Variants in TEX9 observed in about 807,000 individuals in gnomAD.
The protein encoded by TEX9 is testis-expressed protein 9.
A neutral mutation model predicts 59.6 loss-of-function variants in TEX9; 74 were observed. The observed-to-expected ratio is 1.24, with a 90% CI of 1.03 to 1.51. The LOEUF is 1.51. Ranked by LOEUF, TEX9 falls within the 40% of genes most tolerant of loss-of-function variation. TEX9 has a pLI of 0.00. For missense variants in TEX9, 522 were observed against 447.8 expected (o/e 1.17, Z -1.49); for synonymous variants, 186 against 152.2 (o/e 1.22, Z -1.64).
downstream of TEX9, among the ~76,000 whole-genome samples, chr15:56,446,476 A>G (rs1567152070): frequency 6.6e-6 from 1 of 152,038 alleles, no homozygotes. Flanking sequence ...TAAAATTATC[A>G]AGTAGTTTAC....
At chr15:56,353,952 C>A (rs2046634209) in intron 1 of TEX9, among the ~76,000 whole-genome samples, 2 of 152,172 alleles carry the variant, frequency 1.3e-5, no homozygotes, top group African/African-American at 2.4e-5. Flanking sequence ...ATTGCTCAAT[C>A]TTTCCATTAT....
At chr15:56,422,169 G>A (rs967378585) in intron 10 of TEX9, among the ~76,000 whole-genome samples, 3 of 150,088 alleles carry the variant, frequency 2.0e-5, no homozygotes, top group African/African-American at 7.4e-5. Context: ...GTTAATGGGT[G>A]CAGCACACCA....
intron 2 of TEX9, among the ~76,000 whole-genome samples, chr15:56,366,774 G>A (rs1277649651): frequency 3.3e-5 from 5 of 152,136 alleles, no homozygotes; most frequent in Non-Finnish European, 7.4e-5. Context: ...GTTATCGTAT[G>A]ATCTACATAT....
At chr15:56,404,847 C>G (rs1205413682) in intron 9 of TEX9, among the ~76,000 whole-genome samples, 1 of 152,072 alleles carries the variant, frequency 6.6e-6, no homozygotes, top group Non-Finnish European at 1.5e-5. Context: ...ATAGATGAAG[C>G]TGGAAACCAT....
chr15:56,412,994 G>C (rs1356004043), intron 10 of TEX9, among the ~76,000 whole-genome samples: 1 of 151,392 alleles, frequency 6.6e-6, no homozygotes, highest in East Asian at 1.9e-4. Context: ...CGTAACTCCA[G>C]TGTCTAGCCA....
chr15:56,361,043 A>C (rs1354625805), upstream of TEX9, among the ~76,000 whole-genome samples: 1 of 152,158 alleles, frequency 6.6e-6, no homozygotes, highest in African/African-American at 2.4e-5. Context: ...TGAGTATAAT[A>C]AATGTTGTTT....
chr15:56,254,558 A>C (rs550654313), intron 1 of TEX9, among the ~76,000 whole-genome samples: 6 of 151,498 alleles, frequency 4.0e-5, no homozygotes, highest in African/African-American at 1.2e-4. Flanking sequence ...CCTTCCCTTC[A>C]CCTATAATCA....
At chr15:56,377,564 C>T (rs2047517731) in intron 3 of TEX9, among the ~76,000 whole-genome samples, 2 of 151,904 alleles carry the variant, frequency 1.3e-5, no homozygotes, top group South Asian at 4.2e-4. Flanking sequence ...CATACAGACA[C>T]ACTACTGATT....
At chr15:56,311,021 A>G (rs2045599198) in intron 1 of TEX9, among the ~76,000 whole-genome samples, 1 of 152,098 alleles carries the variant, frequency 6.6e-6, no homozygotes, top group African/African-American at 2.4e-5. Flanking sequence ...AGAACCCTTC[A>G]GAATTTTCTG....
At chr15:56,244,627 C>G (rs1409848980) in intron 1 of TEX9, among the ~76,000 whole-genome samples, 3 of 142,484 alleles carry the variant, frequency 2.1e-5, no homozygotes, top group African/African-American at 7.7e-5. Context: ...CTTTATACCG[C>G]TCCCAATTCC....
intron 1 of TEX9, among the ~76,000 whole-genome samples, chr15:56,353,449 T>C (rs1027267606): frequency 6.6e-6 from 1 of 152,212 alleles, no homozygotes; most frequent in African/African-American, 2.4e-5. Flanking sequence ...AAAATCATCT[T>C]AGTACTCTGA....
In TEX9 at chr15:56,408,327, A is replaced by G. The variant is rs191262662; in HGVS notation, c.829-3975A>G. Among the ~76,000 whole-genome samples, 273 of 152,286 alleles carry G rather than the reference A, an allele frequency of 1.8e-3. 1 individual carries two copies. The highest frequency in any genetic ancestry group is 1.4e-3 in the Non-Finnish European group (98 of 68,024). ...CCTCACATGAATTTATATCTCAGCA[A>G]TATTTGAAATAGTTGATTACTCCTT... On this transcript the variant is annotated intron_variant, in intron 9 of 12. Transcript: ENST00000352903.
At chr15:56,277,008 G>T (rs190495392) in intron 1 of TEX9, among the ~76,000 whole-genome samples, 7,043 of 128,638 alleles carry the variant, frequency 0.055, 236 homozygotes, top group Non-Finnish European at 0.087. Context: ...TTTTTGATGG[G>T]GTTGTTTGTT....
chr15:56,416,565 G>T (rs759813167), intron 10 of TEX9, among the ~76,000 whole-genome samples: 1 of 151,894 alleles, frequency 6.6e-6, no homozygotes, highest in Non-Finnish European at 1.5e-5. Context: ...AAGTCTACTT[G>T]ATCATGGTAG....
chr15:56,373,143 C>A (rs2047266926), intron 2 of TEX9, among the ~76,000 whole-genome samples: 1 of 152,122 alleles, frequency 6.6e-6, no homozygotes, highest in South Asian at 2.1e-4. Flanking sequence ...GTGAGTGGAA[C>A]AGAGTTGAAC....
At chr15:56,247,407 C>A (rs996729226) in intron 1 of TEX9, among the ~76,000 whole-genome samples, 1 of 152,104 alleles carries the variant, frequency 6.6e-6, no homozygotes, top group Admixed American at 6.5e-5. Flanking sequence ...GGTAGAAGAA[C>A]TGGAGAAGGC....
At chr15:56,321,984 T>G (rs1392576854) in intron 1 of TEX9, among the ~76,000 whole-genome samples, 1 of 152,084 alleles carries the variant, frequency 6.6e-6, no homozygotes, top group Non-Finnish European at 1.5e-5. Context: ...TCACACTGCT[T>G]TATATTTTGA....
At chr15:56,457,891 GA>G in the TEX9 span, among the ~76,000 whole-genome samples, 1 of 136,720 alleles carries the variant, frequency 7.3e-6, no homozygotes, top group African/African-American at 2.5e-5. Flanking sequence ...CCAGGGAAAT[GA>G]AAACTTTTTA....
At position 56,269,667 on chromosome 15, in the gene TEX9, T is replaced by C. The variant is rs181132079; in HGVS notation, c.-107+25389T>C. 1.5e-4 allele frequency among the ~76,000 whole-genome samples: 23 copies of C among 150,504 alleles called. 1 individual carries two copies. The East Asian group carries it at 3.7e-3, about 24-fold the overall frequency. On this transcript the variant is annotated intron_variant, in intron 1 of 5. Transcript: ENST00000560827. ...TCTTTTCTTTTCTTTTTTTTTTTTTTTTTGAGACGGAGTCTCGCTCTGTCT... is the reference window on the plus strand; with the variant it reads ...TCTTTTCTTTTCTTTTTTTTTTTTTCTTTGAGACGGAGTCTCGCTCTGTCT...
Sources: allele counts gnomAD v4.1 joint callset (sites outside exome capture counted in the v4.1 genomes callset), GRCh38; gene constraint gnomAD v4.1.1; transcripts MANE v1.5; gene names NCBI Gene and HGNC (gene_info 2026-07-23, HGNC 2026-07-21).